The following ACSBG2 variants were observed in gnomAD, a reference collection of about 807,000 sequenced individuals.
The protein encoded by ACSBG2 is long-chain-fatty-acid--CoA ligase ACSBG2.
Under a neutral mutation model 74.7 loss-of-function variants are expected in ACSBG2, and 62 were observed. The observed-to-expected ratio is 0.83, with a 90% confidence interval of 0.68 to 1.03. ACSBG2 has a LOEUF of 1.03. Ranked by LOEUF, ACSBG2 falls within the 50% of genes least tolerant of loss-of-function variation. ACSBG2 has a pLI of 0.00. For synonymous variants in ACSBG2, 309 were observed against 294.1 expected, an observed-to-expected ratio of 1.05 and a Z score of -0.52; for missense variants, 730 against 817.6, an observed-to-expected ratio of 0.89 and a Z score of 1.31.
intron 5 of ACSBG2, among the ~76,000 whole-genome samples, 158 bp from the exon 6 acceptor site, chr19:6,161,057 G>C (rs2089591957): frequency 6.7e-6 from 1 of 148,748 alleles, no homozygotes; most frequent in East Asian, 2.0e-4. Context: ...CCGAGATTGG[G>C]CCAATGCACT....
intron 5 of ACSBG2, among the ~76,000 whole-genome samples, chr19:6,157,507 G>A (rs1054775250): frequency 6.6e-6 from 1 of 152,158 alleles, no homozygotes; most frequent in Non-Finnish European, 1.5e-5. Context: ...AGGTTGCAGT[G>A]AGCCAAGACT....
At position 6,147,528 on chromosome 19, in the gene ACSBG2, G is replaced by T. The variant is rs368884285; in HGVS notation, c.150G>T (p.Pro50=). The T allele has an allele frequency of 1.9e-5, 30 of 1,614,040 alleles. No homozygotes were observed. Among genetic ancestry groups the T allele is most frequent in the Non-Finnish European group, 2.5e-5 (30 of 1,180,026 alleles). The change falls in exon 3 of 15, where the codon CCG becomes CCT. Residue 50 remains proline (P), a synonymous_variant. Transcript: ENST00000588485. ...LSKHGPGHET[P]MTIPEFFRES... ...AACACGGACCAGGCCATGAGACCCCGATGACCATCCCTGAATTTTTTCGAG... is the reference window on the plus strand; with the variant it reads ...AACACGGACCAGGCCATGAGACCCCTATGACCATCCCTGAATTTTTTCGAG...
intron 5 of ACSBG2, among the ~76,000 whole-genome samples, chr19:6,157,460 G>C (rs2089463563): frequency 6.6e-6 from 1 of 152,224 alleles, no homozygotes; most frequent in Non-Finnish European, 1.5e-5. Flanking sequence ...GGGAGGCTGA[G>C]GCTGAGGTGG....
At chr19:6,187,053 G>T in intron 11 of ACSBG2, among the ~76,000 whole-genome samples, 1 of 143,548 alleles carries the variant, frequency 7.0e-6, no homozygotes, top group African/African-American at 2.6e-5. Context: ...TGCCCAGGTT[G>T]GAGTGCGGTG....
At chr19:6,186,538 G>A (rs534270526) in intron 11 of ACSBG2, among the ~76,000 whole-genome samples, 1 of 152,160 alleles carries the variant, frequency 6.6e-6, no homozygotes, top group Middle Eastern at 3.4e-3. Context: ...TTTAAGATGG[G>A]TTTAAATAGG....
At chr19:6,150,056 C>T (rs1200824123) in intron 3 of ACSBG2, among the ~76,000 whole-genome samples, 2 of 151,542 alleles carry the variant, frequency 1.3e-5, no homozygotes, top group African/African-American at 4.9e-5. Context: ...GCTATGATCA[C>T]CCACTGCACT....
At chr19:6,182,701 C>T in intron 8 of ACSBG2, 50 bp from the exon 9 acceptor site, 1 of 1,569,692 alleles carries the variant, frequency 6.4e-7, no homozygotes, top group Non-Finnish European at 8.7e-7. Flanking sequence ...ATGGACATCC[C>T]TGGTGCACGG....
At position 6,185,518 on chromosome 19, in the gene ACSBG2, A is replaced by G. The variant is rs561116722; in HGVS notation, c.1405A>G (p.Arg469Gly). ...CATTGGGGAGATCTGCCTCTGGGGTAGGCACATCTTCATGGGCTATCTGGA... is the reference window on the plus strand; with the variant it reads ...CATTGGGGAGATCTGCCTCTGGGGTGGGCACATCTTCATGGGCTATCTGGA... Reference protein sequence around the residue: ...DGIGEICLWGRHIFMGYLESE... With the variant: ...DGIGEICLWGGHIFMGYLESE... The change falls in exon 11 of 15, where the codon AGG becomes GGG. Residue 469 changes from arginine (R) to glycine (G), a missense_variant. Arg to Gly is a moderately radical substitution (Grantham distance 125, BLOSUM62 -2). Coordinates refer to ENST00000588485, the MANE Select transcript of ACSBG2 (RefSeq NM_030924.5). 2.4e-5 allele frequency: 38 copies of G among 1,614,232 alleles called. 1 individual carries two copies. The Middle Eastern group carries it at 4.9e-4, about 21-fold the overall frequency.
intron 6 of ACSBG2, among the ~76,000 whole-genome samples, chr19:6,164,619 G>A (rs372048634): frequency 2.6e-5 from 4 of 152,230 alleles, no homozygotes; most frequent in Non-Finnish European, 4.4e-5. Context: ...TTTTAGTAGA[G>A]ATGGGGTTTC....
At chr19:6,136,128 CAG>C (rs1048250351) in intron 1 of ACSBG2, among the ~76,000 whole-genome samples, 15 of 94,224 alleles carry the variant, frequency 1.6e-4, no homozygotes, top group African/African-American at 5.9e-4. Context: ...TTTTTTGAGA[CAG>C]AGTCTTGCTC....
intron 8 of ACSBG2, among the ~76,000 whole-genome samples, chr19:6,181,804 T>TC (rs1223957091): frequency 4.0e-3 from 34 of 8,526 alleles, no homozygotes; most frequent in African/African-American, 5.0e-3. Flanking sequence ...ATTTGAATAG[T>TC]CCCCACCCGC....
chr19:6,136,131 A>G (rs2088553773), intron 1 of ACSBG2, among the ~76,000 whole-genome samples: 1 of 85,722 alleles, frequency 1.2e-5, no homozygotes, highest in African/African-American at 5.5e-5. Context: ...TTTGAGACAG[A>G]GTCTTGCTCT....
chr19:6,140,298 A>G (rs1207687507), intron 1 of ACSBG2, among the ~76,000 whole-genome samples: 1 of 151,732 alleles, frequency 6.6e-6, no homozygotes, highest in Non-Finnish European at 1.5e-5. Flanking sequence ...ACACCACTCC[A>G]AAGCCCTCAA....
chr19:6,153,473 AC>A, intron 4 of ACSBG2, among the ~76,000 whole-genome samples: 1 of 151,954 alleles, frequency 6.6e-6, no homozygotes, highest in South Asian at 2.1e-4. Context: ...TGAGATCTGA[AC>A]TCGTTTGTTC....
intron 1 of ACSBG2, among the ~76,000 whole-genome samples, chr19:6,139,989 C>T (rs533428571): frequency 2.9e-4 from 44 of 152,024 alleles, no homozygotes; most frequent in Non-Finnish European, 5.7e-4. Flanking sequence ...TTTGGGAGGC[C>T]GAGGCGGGCA....
At chr19:6,163,125 A>AC (rs1312731996) in intron 6 of ACSBG2, among the ~76,000 whole-genome samples, 135 of 23,374 alleles carry the variant, frequency 5.8e-3, no homozygotes, top group Non-Finnish European at 0.01. Flanking sequence ...AAATACAAAT[A>AC]ATAATAATAA....
intron 7 of ACSBG2, among the ~76,000 whole-genome samples, chr19:6,166,253 A>G (rs570375925): frequency 2.7e-5 from 4 of 145,596 alleles, no homozygotes; most frequent in African/African-American, 1.1e-4. Context: ...CCAGCAGACA[A>G]TGATTCCTCT....
Position 6,187,717 on chromosome 19 carries a change from A to G in ACSBG2, c.1799A>G (p.Asp600Gly). 3 of 1,613,728 alleles carry G rather than the reference A, an allele frequency of 1.9e-6. No individual in the cohort carries two copies. Among genetic ancestry groups the G allele is most frequent in the Non-Finnish European group, 2.5e-6 (3 of 1,179,946 alleles). ...GTGACTGAGATTGTGAAGCAGCAAG[A>G]CCCCCTGGTCTACAAGGCCATCCAG... ...STVTEIVKQQ[D>G]PLVYKAIQQG... The change falls in exon 13 of 15, where the codon GAC (aspartate) becomes GGC (glycine). Residue 600 changes from aspartate (D) to glycine (G), a missense_variant. Coordinates refer to ENST00000588485, the MANE Select transcript of ACSBG2 (RefSeq NM_030924.5).
At chr19:6,181,714 G>A (rs992820999) in intron 8 of ACSBG2, among the ~76,000 whole-genome samples, 1 of 151,816 alleles carries the variant, frequency 6.6e-6, no homozygotes, top group African/African-American at 2.4e-5. Flanking sequence ...TGCATTTTGA[G>A]GTAATTTTCA....
Sources: allele counts gnomAD v4.1 joint callset (sites outside exome capture counted in the v4.1 genomes callset), GRCh38; gene constraint gnomAD v4.1.1; transcripts MANE v1.5; gene names NCBI Gene and HGNC (gene_info 2026-07-23, HGNC 2026-07-21).